Variants in PCBD2 observed in about 807,000 individuals in gnomAD.
The protein encoded by PCBD2 is pterin-4 alpha-carbinolamine dehydratase 2.
Under a neutral mutation model 16.4 loss-of-function variants are expected in PCBD2, and 12 were observed. The ratio of observed to expected loss-of-function variants is 0.73; its 90% CI spans 0.47 to 1.19. PCBD2 has a LOEUF of 1.19. PCBD2 is among the 50% of genes most tolerant of loss of function. The pLI, the probability that PCBD2 is intolerant of heterozygous loss-of-function variation, is 0.00. For synonymous variants in PCBD2, 58 were observed against 61.8 expected, an observed-to-expected ratio of 0.94 and a Z score of 0.29; for missense variants, 138 against 156.8, an observed-to-expected ratio of 0.88 and a Z score of 0.64.
chr5:134,917,995 A>G (rs1021042077), intron 2 of PCBD2, among the ~76,000 whole-genome samples: 2 of 152,242 alleles, frequency 1.3e-5, no homozygotes, highest in Admixed American at 6.5e-5. Context: ...ACTGCTGATG[A>G]AAGTCTTAAC....
chr5:134,929,620 T>C (rs554725789), intron 2 of PCBD2, among the ~76,000 whole-genome samples: 1 of 152,316 alleles, frequency 6.6e-6, no homozygotes, highest in African/African-American at 2.4e-5. Flanking sequence ...GTCTGTTGTC[T>C]TTTCTTTCCA....
At position 134,905,177 on chromosome 5, in the gene PCBD2, G is replaced by T. The variant is rs1750665522; in HGVS notation, c.38G>T (p.Arg13Leu). 2 of 1,223,884 alleles carry T rather than the reference G, an allele frequency of 1.6e-6. No individual in the cohort carries two copies. The highest frequency in any genetic ancestry group is 1.6e-5 in the African/African-American group (1 of 63,992). The allele number at this position is 1,223,884 out of a possible 1,614,324, so 75.8% of individuals were successfully genotyped here. ...CTCGGGGCGCTCGGGGCGACGCGGC[G>T]CTTGTTGGCGGCGCTGCGAGGCCAG... is the stretch of plus-strand genomic sequence containing the variant. ...AVLGALGATR[R>L]LLAALRGQSL... Residue 13 changes from arginine (R) to leucine (L), a missense_variant, in exon 1 of 4, where the codon CGC (arginine) becomes CTC (leucine). Transcript: ENST00000254908.
chr5:134,919,301 G>C (rs1326681120), intron 2 of PCBD2, among the ~76,000 whole-genome samples: 1 of 152,150 alleles, frequency 6.6e-6, no homozygotes, highest in African/African-American at 2.4e-5. Flanking sequence ...AGATGATATT[G>C]GTATGATTAA....
At chr5:134,905,517 G>A (rs1269601144) in intron 1 of PCBD2, 3 of 305,494 alleles carry the variant, frequency 9.8e-6, no homozygotes, top group Non-Finnish European at 1.8e-5. Flanking sequence ...ACTACAAAAG[G>A]CAGATGTGAA....
intron 3 of PCBD2, among the ~76,000 whole-genome samples, chr5:134,959,983 C>T (rs1256000227): frequency 3.3e-5 from 5 of 150,590 alleles, no homozygotes; most frequent in Non-Finnish European, 7.4e-5. Flanking sequence ...CTCCACCTCC[C>T]GGGTTCAAGC....
At position 134,912,167 on chromosome 5, in the gene PCBD2, C is replaced by T. The variant is rs1043867275; in HGVS notation, c.216+1701C>T. ...TTTAATTAAGTAGACTTTTTTTTTC[C>T]CATTCACCCAACTTTTAGGAAAAAG... is the stretch of plus-strand genomic sequence containing the variant. On this transcript the variant is annotated intron_variant, in intron 2 of 3. Transcript: ENST00000254908. Among the ~76,000 whole-genome samples the T allele has an allele frequency of 4.0e-5, 6 of 151,572 alleles. No homozygotes were observed. The South Asian group carries it at 1.2e-3, about 31-fold the overall frequency.
chr5:134,916,428 T>C (rs1750834445), intron 2 of PCBD2, among the ~76,000 whole-genome samples: 1 of 152,224 alleles, frequency 6.6e-6, no homozygotes. Flanking sequence ...TGGTTGGGTG[T>C]CACAGTTAAA....
At chr5:134,914,734 C>T (rs746850827) in intron 2 of PCBD2, among the ~76,000 whole-genome samples, 39 of 151,474 alleles carry the variant, frequency 2.6e-4, no homozygotes, top group South Asian at 2.1e-4. Context: ...TACAATGGTG[C>T]GATCTTGGCT....
At chr5:134,920,929 G>T (rs1298765623) in intron 2 of PCBD2, among the ~76,000 whole-genome samples, 1 of 152,264 alleles carries the variant, frequency 6.6e-6, no homozygotes, top group Non-Finnish European at 1.5e-5. Flanking sequence ...GCCTCCCAAA[G>T]TGTTGGGAAT....
At chr5:134,959,602 A>G (rs1378440395) in intron 3 of PCBD2, among the ~76,000 whole-genome samples, 1 of 152,184 alleles carries the variant, frequency 6.6e-6, no homozygotes, top group Non-Finnish European at 1.5e-5. Flanking sequence ...AGTGAGAAGA[A>G]CCTTGTTCCT....
chr5:134,935,135 T>G (rs972379757), intron 2 of PCBD2, among the ~76,000 whole-genome samples: 2 of 152,232 alleles, frequency 1.3e-5, no homozygotes, highest in Non-Finnish European at 1.5e-5. Context: ...TCAATGTTTC[T>G]GCACTGATTG....
At chr5:134,929,784 T>C (rs557374455) in intron 2 of PCBD2, among the ~76,000 whole-genome samples, 102 of 152,302 alleles carry the variant, frequency 6.7e-4, no homozygotes, top group Non-Finnish European at 1.2e-3. Context: ...CTCCAACTCC[T>C]GGGCTCAAGT....
chr5:134,957,057 G>A (rs950114655), intron 2 of PCBD2, among the ~76,000 whole-genome samples: 1 of 152,096 alleles, frequency 6.6e-6, no homozygotes, highest in African/African-American at 2.4e-5. Context: ...GAGGTCAGGA[G>A]TTCAAGACCA....
At chr5:134,910,936 A>G (rs944660854) in intron 2 of PCBD2, among the ~76,000 whole-genome samples, 2 of 152,114 alleles carry the variant, frequency 1.3e-5, no homozygotes, top group Non-Finnish European at 2.9e-5. Context: ...GACTACAGGC[A>G]TGTGCCATGC....
chr5:134,905,211 G>T lies in PCBD2; in HGVS notation c.72G>T (p.Gly24=). 1 of 1,224,322 alleles carries T rather than the reference G, an allele frequency of 8.2e-7. No individual in the cohort carries two copies. The highest frequency in any genetic ancestry group is 1.0e-6 in the Non-Finnish European group (1 of 983,264). 75.8% of individuals were successfully genotyped at this position (1,224,322 alleles called of 1,614,324 possible). A position where few individuals can be genotyped will look rare whatever the true frequency, so the allele number is the denominator to read the frequency against. Residue 24 remains glycine (G), a synonymous_variant, in exon 1 of 4, where the codon GGG becomes GGT. Transcript: ENST00000254908. ...CGGCGCTGCGAGGCCAGAGCCTAGG[G>T]CTAGCGGCCATGGTGAGTGCACAGC... The part of the protein sequence containing the change: ...LLAALRGQSL[G]LAAMSSGTHR...
At chr5:134,906,525 CG>C (rs1750692930) in intron 1 of PCBD2, among the ~76,000 whole-genome samples, 1 of 152,068 alleles carries the variant, frequency 6.6e-6, no homozygotes, top group South Asian at 2.1e-4. Flanking sequence ...GGCACTCCGC[CG>C]CTTCTTGTCC....
chr5:134,912,519 A>G (rs1750781413), intron 2 of PCBD2, among the ~76,000 whole-genome samples: 2 of 152,216 alleles, frequency 1.3e-5, no homozygotes, highest in South Asian at 4.1e-4. Context: ...CTGTCAGGAA[A>G]TGGGCAACTC....
At chr5:134,952,170 T>G (rs1244507369) in intron 2 of PCBD2, among the ~76,000 whole-genome samples, 1 of 151,012 alleles carries the variant, frequency 6.6e-6, no homozygotes, top group African/African-American at 2.4e-5. Flanking sequence ...TTTTTTTTTT[T>G]GTCTTATTCT....
At chr5:134,907,208 C>G (rs1189699218) in intron 1 of PCBD2, among the ~76,000 whole-genome samples, 2 of 152,232 alleles carry the variant, frequency 1.3e-5, no homozygotes, top group Non-Finnish European at 2.9e-5. Flanking sequence ...CCAAAATTCT[C>G]TGAGTTGACA....
Sources: gnomAD v4.1 joint callset for allele counts (sites outside exome capture counted in the v4.1 genomes callset) on GRCh38, gnomAD v4.1.1 for gene constraint, MANE v1.5 for transcripts, NCBI Gene and HGNC (gene_info 2026-07-23, HGNC 2026-07-21) for gene names.